Variants in SAMD12 observed in about 807,000 individuals in gnomAD.
SAMD12 encodes sterile alpha motif domain containing 12.
In SAMD12, 9 loss-of-function variants were observed where a neutral mutation model predicts 15.0. The observed-to-expected ratio is 0.60, with a 90% CI of 0.36 to 1.05. The LOEUF is 1.05. Among genes scored for constraint, SAMD12 ranks in the 50% least tolerant of loss-of-function variants. SAMD12 has a pLI of 0.01. For synonymous variants in SAMD12, 86 were observed against 90.1 expected (o/e 0.96, Z 0.25); for missense variants, 230 against 234.2 (o/e 0.98, Z 0.12).
At chr8:118,432,524 A>T (rs577826836) in intron 3 of SAMD12, among the ~76,000 whole-genome samples, 1 of 152,342 alleles carries the variant, frequency 6.6e-6, no homozygotes, top group East Asian at 1.9e-4. Flanking sequence ...AACAGGACCT[A>T]GGGGTGTGTT....
intron 4 of SAMD12, among the ~76,000 whole-genome samples, chr8:118,201,526 G>A (rs1742488432): frequency 6.6e-6 from 1 of 152,168 alleles, no homozygotes; most frequent in South Asian, 2.1e-4. Flanking sequence ...TGTGGGTGAT[G>A]CCATGTCTTA....
At chr8:118,302,850 G>C (rs987609161) in intron 4 of SAMD12, among the ~76,000 whole-genome samples, 1 of 152,112 alleles carries the variant, frequency 6.6e-6, no homozygotes, top group African/African-American at 2.4e-5. Flanking sequence ...CCTCCAGGTG[G>C]GATAGAACCT....
chr8:118,479,760 C>G (rs114674150), intron 2 of SAMD12, among the ~76,000 whole-genome samples: 1,531 of 141,490 alleles, frequency 0.011, 33 homozygotes, highest in African/African-American at 0.038. Context: ...TTACTCTTTC[C>G]CTGCCATGAT....
downstream of SAMD12, among the ~76,000 whole-genome samples, chr8:118,377,552 C>A (rs1017541617): frequency 3.3e-5 from 5 of 152,170 alleles, no homozygotes; most frequent in Non-Finnish European, 7.3e-5. Flanking sequence ...TTTCAAAGCT[C>A]AAGAAAGTGA....
chr8:118,402,627 C>T (rs1488816853), intron 3 of SAMD12, among the ~76,000 whole-genome samples: 1 of 152,184 alleles, frequency 6.6e-6, no homozygotes, highest in Non-Finnish European at 1.5e-5. Flanking sequence ...AGATTCCTGG[C>T]CTTGTTTTCC....
chr8:118,247,785 G>T (rs1007802860), intron 4 of SAMD12, among the ~76,000 whole-genome samples: 1 of 151,988 alleles, frequency 6.6e-6, no homozygotes, highest in African/African-American at 2.4e-5. Flanking sequence ...TAGAGACAGG[G>T]TTTCACCATG....
intron 1 of SAMD12, among the ~76,000 whole-genome samples, chr8:118,590,368 C>T (rs1607924): frequency 0.65 from 98,778 of 152,106 alleles, 33,108 homozygotes; most frequent in Middle Eastern, 0.74. Context: ...GTCCAGGTTT[C>T]CATCTCTGTC....
intron 3 of SAMD12, among the ~76,000 whole-genome samples, chr8:118,407,801 T>C (rs973007385): frequency 3.9e-5 from 6 of 152,166 alleles, no homozygotes; most frequent in African/African-American, 1.2e-4. Context: ...GCCCCTTTTT[T>C]CATTTGACAG....
At chr8:118,372,422 AT>A (rs148584581) in intron 4 of SAMD12, among the ~76,000 whole-genome samples, 10,472 of 138,756 alleles carry the variant, frequency 0.075, 371 homozygotes, top group Middle Eastern at 0.12. Context: ...AAGATGCAGT[AT>A]TTTTTTTTTT....
chr8:118,280,708 A>G (rs532915632), intron 4 of SAMD12, among the ~76,000 whole-genome samples: 2 of 152,332 alleles, frequency 1.3e-5, no homozygotes, highest in South Asian at 2.1e-4. Flanking sequence ...CCTAGCTTCC[A>G]GGGAACACAC....
In SAMD12 at chr8:118,359,003, C is replaced by CTGTGTGTG. The variant is rs35454734; in HGVS notation, c.433+20549_433+20556dup. 2.7e-3 allele frequency among the ~76,000 whole-genome samples: 410 copies of CTGTGTGTG among 149,364 alleles called. 2 individuals are homozygous for CTGTGTGTG. Among genetic ancestry groups the CTGTGTGTG allele is most frequent in the African/African-American group, 8.8e-3 (360 of 40,750 alleles). On this transcript the variant is annotated intron_variant, in intron 4 of 4. Transcript: ENST00000409003. ...CATTGATACAGGGTATGGCATTAAA[C>CTGTGTGTG]TGTGTGTGTGTGTGTGTGTGTGTAT...
chr8:118,479,432 G>T (rs1824057424), intron 2 of SAMD12, among the ~76,000 whole-genome samples: 1 of 152,230 alleles, frequency 6.6e-6, no homozygotes, highest in South Asian at 2.1e-4. Context: ...CGGCAAGAAA[G>T]AATGAGAAGT....
At chr8:118,620,052 A>G (rs1171486499) in intron 1 of SAMD12, among the ~76,000 whole-genome samples, 1 of 152,252 alleles carries the variant, frequency 6.6e-6, no homozygotes, top group Non-Finnish European at 1.5e-5. Flanking sequence ...TAAACTCTCC[A>G]TAGTCCACAT....
intron 3 of SAMD12, among the ~76,000 whole-genome samples, chr8:118,438,852 T>C (rs968376568): frequency 1.3e-5 from 2 of 152,088 alleles, no homozygotes; most frequent in South Asian, 4.1e-4. Context: ...AAAAAAAAGA[T>C]CTGGACTAGA....
intron 2 of SAMD12, among the ~76,000 whole-genome samples, chr8:118,529,064 T>C (rs574149918): frequency 4.6e-4 from 70 of 152,306 alleles, no homozygotes; most frequent in Non-Finnish European, 8.8e-4. Flanking sequence ...GGTTTCTCCA[T>C]GAAGTTGTGG....
intron 2 of SAMD12, among the ~76,000 whole-genome samples, chr8:118,484,000 A>G (rs1297277510): frequency 6.6e-6 from 1 of 152,220 alleles, no homozygotes; most frequent in Non-Finnish European, 1.5e-5. Context: ...ATGTCTAGCT[A>G]TATGAAGTTC....
chr8:118,218,325 G>A (rs988255250), intron 4 of SAMD12, among the ~76,000 whole-genome samples: 1 of 151,884 alleles, frequency 6.6e-6, no homozygotes, highest in Non-Finnish European at 1.5e-5. Context: ...ATATATAATT[G>A]TGAGATGAGT....
At chr8:118,604,259 C>T (rs950082271) in intron 1 of SAMD12, among the ~76,000 whole-genome samples, 3 of 152,004 alleles carry the variant, frequency 2.0e-5, no homozygotes, top group Non-Finnish European at 4.4e-5. Context: ...TACAAGTAAG[C>T]ATTTAATAAA....
intron 1 of SAMD12, among the ~76,000 whole-genome samples, chr8:118,620,529 C>T (rs889582666): frequency 1.3e-5 from 2 of 151,406 alleles, no homozygotes; most frequent in East Asian, 3.9e-4. Context: ...GTTAGGAAAG[C>T]TGGAAGTGGC....
Sources: gnomAD v4.1 joint callset for allele counts (sites outside exome capture counted in the v4.1 genomes callset) on GRCh38, gnomAD v4.1.1 for gene constraint, MANE v1.5 for transcripts, NCBI Gene and HGNC (gene_info 2026-07-23, HGNC 2026-07-21) for gene names.